The following PCDHA2 variants were observed in gnomAD, a reference collection of about 807,000 sequenced individuals.
PCDHA2 encodes protocadherin alpha-2.
PCDHA2 carries 58 observed loss-of-function variants against 66.0 expected under a neutral mutation model. That is an observed-to-expected ratio of 0.88 (90% CI 0.71 to 1.09). The LOEUF is 1.09. Among genes scored for constraint, PCDHA2 ranks in the 50% least tolerant of loss-of-function variants. PCDHA2 has a pLI of 0.00. For missense variants in PCDHA2, 1,267 were observed against 1,242.3 expected (o/e 1.02, Z -0.30); for synonymous variants, 634 against 554.0 (o/e 1.14, Z -2.03).
chr5:140,985,739 C>CTTTT (rs11372071), intron 3 of PCDHA2, among the ~76,000 whole-genome samples: 9 of 117,918 alleles, frequency 7.6e-5, no homozygotes, highest in East Asian at 2.5e-4. Flanking sequence ...TGATGAATTC[C>CTTTT]TTTTTTTTTT....
intron 1 of PCDHA2, among the ~76,000 whole-genome samples, chr5:140,972,609 A>G (rs1344399252): frequency 1.3e-5 from 2 of 151,526 alleles, no homozygotes; most frequent in Non-Finnish European, 2.9e-5. Flanking sequence ...TCTGAACTTG[A>G]TACTGAATGT....
chr5:140,866,490 C>T (rs1197584665), intron 1 of PCDHA2: 2 of 152,070 alleles, frequency 1.3e-5, no homozygotes, highest in Admixed American at 1.3e-4. Flanking sequence ...TGATTTGTGA[C>T]CAAATAACTG....
At chr5:140,836,920 G>T in intron 1 of PCDHA2, 1 of 542,350 alleles carries the variant, frequency 1.8e-6, no homozygotes. Context: ...TTTTGTTTTG[G>T]GATGCGTAAT....
chr5:140,969,704 T>G (rs1317094729), intron 1 of PCDHA2, among the ~76,000 whole-genome samples: 10 of 152,172 alleles, frequency 6.6e-5, no homozygotes, highest in African/African-American at 2.4e-4. Flanking sequence ...TGCTGTATCA[T>G]CTACAGGGAA....
chr5:140,990,605 A>T (rs1234326404), intron 3 of PCDHA2, among the ~76,000 whole-genome samples: 4 of 152,214 alleles, frequency 2.6e-5, no homozygotes, highest in Non-Finnish European at 4.4e-5. Flanking sequence ...GAGTCAGATG[A>T]ATACCGTAAA....
intron 1 of PCDHA2, chr5:140,843,640 C>G: frequency 6.3e-7 from 1 of 1,595,494 alleles, no homozygotes; most frequent in Non-Finnish European, 8.6e-7. Flanking sequence ...TGGCCTTCAG[C>G]CCCTGCCTTC....
chr5:140,823,795 G>A, intron 1 of PCDHA2: 2 of 1,613,812 alleles, frequency 1.2e-6, no homozygotes, highest in Non-Finnish European at 1.7e-6. Flanking sequence ...AAGTGGCCAG[G>A]CGCCGAAGGC....
chr5:140,952,734 C>T (rs143946641), intron 1 of PCDHA2, among the ~76,000 whole-genome samples: 1 of 152,272 alleles, frequency 6.6e-6, no homozygotes, highest in East Asian at 1.9e-4. Flanking sequence ...CTAGTCTTTT[C>T]TCACACTGCT....
At chr5:140,825,958 C>T (rs2150141967) in intron 1 of PCDHA2, 17 of 152,338 alleles carry the variant, frequency 1.1e-4, no homozygotes, top group African/African-American at 2.7e-4. Context: ...CATTTGTCTA[C>T]TCTTTTGAGG....
chr5:140,800,698 A>G (rs1347184883), intron 1 of PCDHA2, among the ~76,000 whole-genome samples: 1 of 152,204 alleles, frequency 6.6e-6, no homozygotes, highest in Non-Finnish European at 1.5e-5. Flanking sequence ...ATTTCAGAGG[A>G]TTGTGATAAT....
chr5:140,976,819 T>C (rs1380206599), intron 1 of PCDHA2, among the ~76,000 whole-genome samples: 3 of 152,222 alleles, frequency 2.0e-5, no homozygotes, highest in Admixed American at 2.0e-4. Flanking sequence ...TATGCATGTG[T>C]CTAATGAGCA....
At chr5:140,931,216 A>G (rs1347905969) in intron 1 of PCDHA2, among the ~76,000 whole-genome samples, 4 of 152,190 alleles carry the variant, frequency 2.6e-5, no homozygotes, top group African/African-American at 9.6e-5. Context: ...TTCAGGTATC[A>G]GAGCACTTAA....
At chr5:140,803,206 T>G (rs782739618) in intron 1 of PCDHA2, 2 of 1,613,842 alleles carry the variant, frequency 1.2e-6, no homozygotes, top group South Asian at 2.2e-5. Flanking sequence ...GTGTCGCTGG[T>G]GGAGAGTGGC....
intron 1 of PCDHA2, chr5:140,807,083 A>G: frequency 1.6e-6 from 2 of 1,274,064 alleles, no homozygotes; most frequent in Admixed American, 2.2e-5. Flanking sequence ...CACTCTTTGG[A>G]GTCTGAAATA....
chr5:140,856,760 G>T, intron 1 of PCDHA2: 1 of 1,596,522 alleles, frequency 6.3e-7, no homozygotes, highest in Admixed American at 1.7e-5. Context: ...CAATGATAAC[G>T]CCCCTATCTT....
chr5:140,870,314 A>C (rs1253656655), intron 1 of PCDHA2: 6 of 1,613,546 alleles, frequency 3.7e-6, no homozygotes, highest in Non-Finnish European at 5.1e-6. Context: ...AAGAATTACT[A>C]CTCGTTGGTG....
chr5:140,852,153 T>C, intron 1 of PCDHA2: 1 of 858,712 alleles, frequency 1.2e-6, no homozygotes, highest in Non-Finnish European at 1.4e-6. Context: ...CAGAATGGCC[T>C]TGAGAATAGA....
chr5:140,851,579 C>T lies in PCDHA2; in HGVS notation c.2388+54227C>T, dbSNP rs527993952. On this transcript the variant is annotated intron_variant, in intron 1 of 3. Transcript: ENST00000526136. ...ACTGAAATTTTGTCTACACTTAGAA[C>T]ATTTTTTGAAATTCAGTTTACAGAA... 1.1e-5 allele frequency: 10 copies of T among 913,374 alleles called. No homozygotes were observed. In the South Asian group the frequency reaches 4.0e-4, roughly 36 times the overall value. 56.6% of individuals were successfully genotyped at this position (913,374 alleles called of 1,614,324 possible).
At chr5:140,968,591 G>A (rs1289458266) in intron 1 of PCDHA2, 3 of 1,614,098 alleles carry the variant, frequency 1.9e-6, no homozygotes, top group Non-Finnish European at 2.5e-6. Flanking sequence ...CAAAGTCATA[G>A]CTATGGACTC....
Sources: gnomAD v4.1 joint callset for allele counts (sites outside exome capture counted in the v4.1 genomes callset) on GRCh38, gnomAD v4.1.1 for gene constraint, MANE v1.5 for transcripts, NCBI Gene and HGNC (gene_info 2026-07-23, HGNC 2026-07-21) for gene names.